The following GPR143 variants were observed in gnomAD, a reference collection of about 807,000 sequenced individuals.
GPR143 encodes the protein G protein-coupled receptor 143.
In GPR143, 8 loss-of-function variants were observed where a neutral mutation model predicts 27.6. The observed-to-expected ratio is 0.29, with a 90% CI of 0.17 to 0.52. The LOEUF (loss-of-function observed/expected upper bound fraction) is 0.52, where lower values mean the gene tolerates loss of function less well. GPR143 is among the 20% of genes least tolerant of loss of function. The pLI, the probability that GPR143 is intolerant of heterozygous loss-of-function variation, is 0.96. For synonymous variants in GPR143, 156 were observed against 153.2 expected (o/e 1.02, Z -0.13); for missense variants, 303 against 343.1 (o/e 0.88, Z 0.92).
intron 7 of GPR143, among the ~76,000 whole-genome samples, chrX:9,740,544 T>C (rs2083398337): frequency 8.9e-6 from 1 of 112,545 alleles, no homozygotes; most frequent in Non-Finnish European, 1.9e-5. Flanking sequence ...ATCCAATACA[T>C]GAATTTTTTT....
upstream of GPR143, chrX:9,766,079 G>A (rs1601892103): frequency 8.1e-6 from 2 of 246,122 alleles, no homozygotes; most frequent in East Asian, 1.2e-4. Flanking sequence ...GGAGGAGGAG[G>A]AGGGAAGTGG....
intron 3 of GPR143, among the ~76,000 whole-genome samples, chrX:9,756,480 G>A (rs1355703607): frequency 8.9e-6 from 1 of 112,131 alleles, no homozygotes; most frequent in Non-Finnish European, 1.9e-5. Flanking sequence ...AACTATTTGT[G>A]AATCACGTAT....
intron 1 of GPR143, among the ~76,000 whole-genome samples, chrX:9,764,649 G>A (rs2083519768): frequency 9.0e-6 from 1 of 111,243 alleles, no homozygotes; most frequent in African/African-American, 3.3e-5. Flanking sequence ...GCCATCTGAA[G>A]TTTCCATATA....
intron 3 of GPR143, among the ~76,000 whole-genome samples, chrX:9,749,226 T>TCCCC (rs1315734826): frequency 1.3e-3 from 96 of 73,050 alleles, no homozygotes; most frequent in African/African-American, 5.1e-3. Context: ...GGGATTTCCC[T>TCCCC]CCCCCCCCAA....
At chrX:9,740,591 G>A (rs754886866) in intron 7 of GPR143, among the ~76,000 whole-genome samples, 14 of 110,536 alleles carry the variant, frequency 1.3e-4, no homozygotes, top group Admixed American at 4.8e-4. Context: ...TTGTTTCCCC[G>A]TTGAAAAAAG....
chrX:9,760,835 G>T lies in GPR143; in HGVS notation c.251-9C>A, dbSNP rs374596288. On this transcript the variant is annotated splice_polypyrimidine_tract_variant and intron_variant, in intron 1 of 8. Transcript: ENST00000467482. ...GGACCGGATCACCATACCTAAGAGA[G>T]AATTGGATAATACTTTGTATCTGAT... 5 of 955,484 alleles carry T rather than the reference G, an allele frequency of 5.2e-6. No individual in the cohort carries two copies. In the African/African-American group the frequency reaches 5.7e-5, roughly 11 times the overall value. 78.7% of individuals were successfully genotyped at this position (955,484 alleles called of 1,213,427 possible).
At chrX:9,761,964 G>A (rs2083503755) in intron 1 of GPR143, among the ~76,000 whole-genome samples, 2 of 112,362 alleles carry the variant, frequency 1.8e-5, no homozygotes, top group Non-Finnish European at 3.8e-5. Flanking sequence ...GCACGCGCCT[G>A]TGGTCCCAGC....
chrX:9,742,523 C>T (rs113264991), intron 6 of GPR143, among the ~76,000 whole-genome samples: 4,235 of 111,805 alleles, frequency 0.038, 211 homozygotes, highest in African/African-American at 0.13. Flanking sequence ...TGAGCTACCA[C>T]GACCCGCGCA....
intron 8 of GPR143, 139 bp downstream of exon 8, chrX:9,739,346 G>A: frequency 2.0e-6 from 1 of 498,210 alleles, no homozygotes; most frequent in Non-Finnish European, 3.6e-6. Flanking sequence ...GCAACTGGAA[G>A]CTAGTGAGTT....
chrX:9,743,581 G>C lies in GPR143; in HGVS notation c.751C>G (p.Leu251Val), dbSNP rs199528158. 4.4e-6 allele frequency: 5 copies of C among 1,137,369 alleles called. No individual in the cohort carries two copies. The Admixed American group carries it at 8.8e-5, about 20-fold the overall frequency. 93.7% of individuals were successfully genotyped at this position (1,137,369 alleles called of 1,213,427 possible). A position where few individuals can be genotyped will look rare whatever the true frequency, so the allele number is the denominator to read the frequency against. The change falls in exon 6 of 9, where the codon CTG (leucine) becomes GTG (valine). Residue 251 changes from leucine (L) to valine (V), a missense_variant. Leu to Val is a conservative substitution (Grantham distance 32). Coordinates refer to ENST00000467482, the MANE Select transcript of GPR143 (RefSeq NM_000273.3). Reference protein sequence around the residue: ...VIKIRFFKIMLVLIICWLSNI... With the variant: ...VIKIRFFKIMVVLIICWLSNI... ...AAAGGTTACCAAATAATTAAAACCAGCATGATTTTGAAAAATCGGATCTTG... is the reference window on the plus strand; with the variant it reads ...AAAGGTTACCAAATAATTAAAACCACCATGATTTTGAAAAATCGGATCTTG...
At chrX:9,762,391 GA>G (rs146896080) in intron 1 of GPR143, among the ~76,000 whole-genome samples, 7 of 105,590 alleles carry the variant, frequency 6.6e-5, no homozygotes, top group Non-Finnish European at 9.8e-5. Flanking sequence ...CTCCATCTGA[GA>G]AAAAAAAAAG....
At chrX:9,750,226 T>C (rs762352559) in intron 3 of GPR143, among the ~76,000 whole-genome samples, 1 of 112,332 alleles carries the variant, frequency 8.9e-6, no homozygotes, top group Non-Finnish European at 1.9e-5. Context: ...CTGTTTTGTT[T>C]TGAGATAGAG....
intron 3 of GPR143, among the ~76,000 whole-genome samples, chrX:9,757,380 T>C (rs2083477755): frequency 8.9e-6 from 1 of 112,147 alleles, no homozygotes; most frequent in Non-Finnish European, 1.9e-5. Context: ...AGAATTTCAA[T>C]ACAGGAATTT....
chrX:9,726,900 C>A (rs1293807449), intron 8 of GPR143, among the ~76,000 whole-genome samples: 1 of 112,595 alleles, frequency 8.9e-6, no homozygotes, highest in Non-Finnish European at 1.9e-5. Flanking sequence ...AGACACAATA[C>A]AAAGAGGGAG....
At chrX:9,727,463 T>C (rs2283696) in intron 8 of GPR143, among the ~76,000 whole-genome samples, 39,114 of 112,056 alleles carry the variant, frequency 0.35, 6,811 homozygotes, top group African/African-American at 0.67. Context: ...CCATGCAAGC[T>C]GGGTGGGCAG....
At chrX:9,734,868 C>G (rs776804131) in intron 8 of GPR143, among the ~76,000 whole-genome samples, 6 of 112,122 alleles carry the variant, frequency 5.4e-5, no homozygotes, top group Non-Finnish European at 7.5e-5. Flanking sequence ...TGGAGGGAAA[C>G]CGGGAGGTAC....
intron 8 of GPR143, among the ~76,000 whole-genome samples, chrX:9,726,327 G>A (rs945850059): frequency 9.0e-6 from 1 of 111,241 alleles, no homozygotes; most frequent in Non-Finnish European, 1.9e-5. Context: ...GGAGACCACC[G>A]CTCTGTAAAA....
Position 9,765,631 on chromosome X carries a change from A to G in GPR143, c.187T>C (p.Ser63Pro), listed in dbSNP as rs985314593. Residue 63 changes from serine to proline, a missense_variant, in exon 1 of 9, where the codon TCC becomes CCC. Coordinates refer to ENST00000467482, the MANE Select transcript of GPR143 (RefSeq NM_000273.3). ...AGGATGCGGACCGAGGCCGGCGGGG[A>G]CGTCGCGGGGGACCCGGGGCCCGCG... ...RPAGPGSPAT[S>P]PPASVRILRA... 1.0e-6 allele frequency: 1 copy of G among 985,348 alleles called. No individual in the cohort carries two copies. Among genetic ancestry groups the G allele is most frequent in the Non-Finnish European group, 1.3e-6 (1 of 786,841 alleles). 81.2% of individuals were successfully genotyped at this position (985,348 alleles called of 1,213,427 possible).
upstream of GPR143, among the ~76,000 whole-genome samples, chrX:9,769,474 T>G (rs150085298): frequency 2.4e-3 from 274 of 112,226 alleles, no homozygotes; most frequent in African/African-American, 8.5e-3. Flanking sequence ...GACTCAGATA[T>G]CCCTTAGAAT....
Sources: allele counts gnomAD v4.1 joint callset (sites outside exome capture counted in the v4.1 genomes callset), GRCh38; gene constraint gnomAD v4.1.1; transcripts MANE v1.5; gene names NCBI Gene and HGNC (gene_info 2026-07-23, HGNC 2026-07-21).